The following KIF13A variants were observed in gnomAD, a reference collection of about 807,000 sequenced individuals.
The protein encoded by KIF13A is kinesin-like protein KIF13A.
Under a neutral mutation model 212.2 loss-of-function variants are expected in KIF13A, and 79 were observed. The observed-to-expected ratio is 0.37, with a 90% CI of 0.31 to 0.45. The LOEUF (loss-of-function observed/expected upper bound fraction) is 0.45. Among genes scored for constraint, KIF13A ranks in the 20% least tolerant of loss-of-function variants. The pLI, the probability that KIF13A is intolerant of heterozygous loss-of-function variation, is 1.00. For synonymous variants in KIF13A, 789 were observed against 808.6 expected (o/e 0.98, Z 0.41); for missense variants, 1,901 against 2,209.0 (o/e 0.86, Z 2.79).
chr6:17,942,773 T>C (rs566076320), intron 2 of KIF13A, among the ~76,000 whole-genome samples: 2 of 152,086 alleles, frequency 1.3e-5, no homozygotes, highest in East Asian at 3.9e-4. Flanking sequence ...AGGTCAGGAG[T>C]TCGAGACCAG....
At chr6:17,921,767 C>CA (rs1268043413) in intron 2 of KIF13A, among the ~76,000 whole-genome samples, 1 of 152,148 alleles carries the variant, frequency 6.6e-6, no homozygotes, top group Non-Finnish European at 1.5e-5. Flanking sequence ...GAAGACTAGC[C>CA]TGCTTCTGGT....
intron 2 of KIF13A, among the ~76,000 whole-genome samples, chr6:17,906,903 CATGGTCTGGATACAATTCAAGAATAAAG>C (rs1773552027): frequency 1.3e-5 from 2 of 152,118 alleles, no homozygotes; most frequent in South Asian, 4.1e-4. Context: ...GTAAGACACT[CATGGTCTGGATACAATTCAAGAATAAAG>C]ATGCAGAGGT....
intron 4 of KIF13A, among the ~76,000 whole-genome samples, chr6:17,857,852 G>A (rs549070678): frequency 1.3e-4 from 20 of 152,218 alleles, no homozygotes; most frequent in South Asian, 8.3e-4. Flanking sequence ...TCATGGCAGT[G>A]TTATTCATAA....
At chr6:17,876,550 T>A (rs1289723046) in intron 3 of KIF13A, among the ~76,000 whole-genome samples, 1 of 152,226 alleles carries the variant, frequency 6.6e-6, no homozygotes, top group Non-Finnish European at 1.5e-5. Context: ...CACTGTTTAG[T>A]CCTTTTTTAT....
chr6:17,763,032 C>T (rs1327605661), downstream of KIF13A, among the ~76,000 whole-genome samples: 1 of 152,208 alleles, frequency 6.6e-6, no homozygotes, highest in Non-Finnish European at 1.5e-5. Flanking sequence ...TCTCCCATGC[C>T]TTTTACAGCA....
intron 28 of KIF13A, among the ~76,000 whole-genome samples, chr6:17,784,732 T>C (rs891017814): frequency 2.0e-5 from 3 of 152,076 alleles, no homozygotes; most frequent in African/African-American, 7.2e-5. Flanking sequence ...GTAGGCTGTC[T>C]GTAAGAAGTG....
chr6:17,889,770 G>A (rs901289058), intron 3 of KIF13A, among the ~76,000 whole-genome samples: 1 of 152,130 alleles, frequency 6.6e-6, no homozygotes, highest in Non-Finnish European at 1.5e-5. Context: ...GGCCTAGACT[G>A]GAGCCAAGCT....
chr6:17,947,737 A>G lies in KIF13A; in HGVS notation c.146+39317T>C, dbSNP rs554596397. Among the ~76,000 whole-genome samples, 31 of 152,262 alleles carry G rather than the reference A, an allele frequency of 2.0e-4. No homozygotes were observed. In the South Asian group the frequency reaches 2.5e-3, roughly 12 times the overall value. ...GTGCCTGTAATCCCAGCTACTCAAG[A>G]GGCTGAGGCAGGAGAATCACTTGAA... On this transcript the variant is annotated intron_variant, in intron 2 of 38. Coordinates refer to ENST00000259711, the MANE Select transcript of KIF13A (RefSeq NM_022113.6). This position sits in a 1 kb window ranked among gnomAD's most constrained non-coding sequence, Gnocchi z 4.6.
chr6:17,821,863 G>A (rs746044681), intron 16 of KIF13A: 3 of 1,535,130 alleles, frequency 2.0e-6, no homozygotes, highest in South Asian at 1.2e-5. Context: ...AGACCACCAA[G>A]GGGATGACCA....
rs1774288242 is a variant in KIF13A at position 17,914,014 on chromosome 6, G to T, written c.147-15834C>A. Among the ~76,000 whole-genome samples, 1 of 152,116 alleles carries T rather than the reference G, an allele frequency of 6.6e-6. No individual in the cohort carries two copies. The highest frequency in any genetic ancestry group is 2.4e-5 in the African/African-American group (1 of 41,412). On this transcript the variant is annotated intron_variant, in intron 2 of 38. Coordinates refer to ENST00000259711, the MANE Select transcript of KIF13A (RefSeq NM_022113.6). This position sits in a 1 kb window ranked among gnomAD's most constrained non-coding sequence, Gnocchi z 5.9. ...GCCACAATCTCACCTTCCTTTAGAG[G>T]TCACATGCCACGATACCTCCCTCCC...
At chr6:17,980,761 A>T (rs761059286) in intron 2 of KIF13A, among the ~76,000 whole-genome samples, 5 of 152,230 alleles carry the variant, frequency 3.3e-5, no homozygotes, top group Non-Finnish European at 7.3e-5. Flanking sequence ...TCATAGCTCA[A>T]TGTCAACAAT....
chr6:17,784,256 A>T lies in KIF13A; in HGVS notation c.3489-555T>A, dbSNP rs111840222. 7.7e-3 allele frequency among the ~76,000 whole-genome samples: 1,162 copies of T among 150,930 alleles called. 16 individuals carry two copies. The highest frequency in any genetic ancestry group is 0.027 in the African/African-American group (1,099 of 40,888). Reference sequence around the variant, plus strand: ...GCAACACAGGGAGATCTTGTCTTATAAAAAAAAACAAAAAAACACTAGCTG... The same window carrying T: ...GCAACACAGGGAGATCTTGTCTTATTAAAAAAAACAAAAAAACACTAGCTG... On this transcript the variant is annotated intron_variant, in intron 28 of 38. Coordinates refer to ENST00000259711, the MANE Select transcript of KIF13A (RefSeq NM_022113.6).
chr6:17,775,181 T>C, intron 34 of KIF13A, 119 bp from the exon 35 acceptor site: 2 of 729,848 alleles, frequency 2.7e-6, no homozygotes, highest in Non-Finnish European at 2.2e-6. Context: ...TCTCCTCCTC[T>C]TTCTTCCCTC....
intron 2 of KIF13A, among the ~76,000 whole-genome samples, chr6:17,902,470 T>C (rs1026238259): frequency 6.6e-6 from 1 of 152,244 alleles, no homozygotes; most frequent in Non-Finnish European, 1.5e-5. Flanking sequence ...GTTCTATTTT[T>C]GTAAAACACA....
At chr6:17,891,993 C>A (rs183603674) in intron 3 of KIF13A, among the ~76,000 whole-genome samples, 47 of 152,276 alleles carry the variant, frequency 3.1e-4, no homozygotes, top group Non-Finnish European at 1.5e-4. Context: ...TCTTCCTCCA[C>A]TTCCTACTCT....
chr6:17,978,303 C>A (rs973870447), intron 2 of KIF13A, among the ~76,000 whole-genome samples: 3 of 152,156 alleles, frequency 2.0e-5, no homozygotes, highest in African/African-American at 7.2e-5. Flanking sequence ...TGGTAAAACA[C>A]CAAATAAACT....
At chr6:17,969,196 G>A (rs1779585394) in intron 2 of KIF13A, among the ~76,000 whole-genome samples, 1 of 152,212 alleles carries the variant, frequency 6.6e-6, no homozygotes, top group South Asian at 2.1e-4. Flanking sequence ...TTGCAGTCTA[G>A]AGGGTATGAT....
rs908144674 is a variant in KIF13A at position 17,892,713 on chromosome 6, C to T, written c.159+5455G>A. ...TATGTGATGGAGCCTCCATAAACAT[C>T]CCTAAACTACAAGGATGGGAGAGCA... On this transcript the variant is annotated intron_variant, in intron 3 of 38. Transcript: ENST00000259711. This position sits in a 1 kb window ranked among gnomAD's most constrained non-coding sequence, Gnocchi z 4.7. Among the ~76,000 whole-genome samples, 6 of 152,170 alleles carry T rather than the reference C, an allele frequency of 3.9e-5. No homozygotes were observed. Among genetic ancestry groups the T allele is most frequent in the African/African-American group, 1.4e-4 (6 of 41,440 alleles).
At chr6:17,896,636 C>G (rs1772591924) in intron 3 of KIF13A, among the ~76,000 whole-genome samples, 1 of 152,180 alleles carries the variant, frequency 6.6e-6, no homozygotes, top group South Asian at 2.1e-4. Flanking sequence ...TTTCATGACA[C>G]TTCTTAGGAA....
Sources: gnomAD v4.1 joint callset for allele counts (sites outside exome capture counted in the v4.1 genomes callset) on GRCh38, gnomAD v4.1.1 for gene constraint, Gnocchi (gnomAD v3.1) non-coding constraint, MANE v1.5 for transcripts, NCBI Gene and HGNC (gene_info 2026-07-23, HGNC 2026-07-21) for gene names.